CNTNAP2: variants seen among roughly 807,000 people sequenced by gnomAD.
CNTNAP2 encodes contactin associated protein 2.
CNTNAP2 carries 98 observed loss-of-function variants against 155.2 expected under a neutral mutation model. That is an observed-to-expected ratio of 0.63 (90% CI 0.54 to 0.75). CNTNAP2 has a LOEUF of 0.75. CNTNAP2 is among the 30% of genes least tolerant of loss of function. The pLI, the probability that CNTNAP2 is intolerant of heterozygous loss-of-function variation, is 0.00. For missense variants in CNTNAP2, 1,727 were observed against 1,688.1 expected, an observed-to-expected ratio of 1.02 and a Z score of -0.40; for synonymous variants, 651 against 631.2, an observed-to-expected ratio of 1.03 and a Z score of -0.47.
chr7:146,251,256 G>A (rs950843716), intron 1 of CNTNAP2, among the ~76,000 whole-genome samples: 2 of 152,028 alleles, frequency 1.3e-5, no homozygotes, highest in Middle Eastern at 3.4e-3. Context: ...GCTTTTAAAA[G>A]GTTCATTTTT....
intron 3 of CNTNAP2, among the ~76,000 whole-genome samples, chr7:146,856,621 CAA>C (rs1794994833): frequency 6.6e-6 from 1 of 152,040 alleles, no homozygotes; most frequent in African/African-American, 2.4e-5. Context: ...AATATTTACA[CAA>C]GAGAAATTAA....
chr7:146,809,743 A>G (rs772420015), intron 2 of CNTNAP2, among the ~76,000 whole-genome samples: 3 of 152,242 alleles, frequency 2.0e-5, no homozygotes, highest in Admixed American at 6.5e-5. Flanking sequence ...TTCCTTATAT[A>G]TTCTAGACAT....
In CNTNAP2 at chr7:146,284,447, A is replaced by G. The variant is rs184851290; in HGVS notation, c.97+167474A>G. On this transcript the variant is annotated intron_variant, in intron 1 of 23. Transcript: ENST00000361727. ...CCACTATATAAATGCAATAATCAAG[A>G]TTTTGAAAGATTACAACTTGTCCAT... Among the ~76,000 whole-genome samples the G allele has an allele frequency of 5.1e-3, 780 of 152,234 alleles. 8 individuals carry two copies. The highest frequency in any genetic ancestry group is 7.3e-3 in the Non-Finnish European group (494 of 68,006).
At chr7:147,387,097 A>G (rs1357698668) in intron 9 of CNTNAP2, among the ~76,000 whole-genome samples, 1 of 152,052 alleles carries the variant, frequency 6.6e-6, no homozygotes, top group Non-Finnish European at 1.5e-5. Flanking sequence ...ACCCACCCCC[A>G]TGACTCAATT....
intron 8 of CNTNAP2, among the ~76,000 whole-genome samples, chr7:147,293,728 TTTC>T (rs1201031427): frequency 1.3e-5 from 2 of 152,166 alleles, no homozygotes; most frequent in Non-Finnish European, 2.9e-5. Flanking sequence ...GCAACATCTG[TTTC>T]TTCTTGTTCA....
At chr7:147,408,556 C>G (rs1003115568) in intron 10 of CNTNAP2, among the ~76,000 whole-genome samples, 2 of 152,126 alleles carry the variant, frequency 1.3e-5, no homozygotes, top group Non-Finnish European at 2.9e-5. Flanking sequence ...GTCAGGAGAT[C>G]GAGACCATCC....
rs577256899 is a variant in CNTNAP2 at position 147,515,912 on chromosome 7, T to C, written c.1777+29871T>C. Among the ~76,000 whole-genome samples the C allele has an allele frequency of 3.3e-5, 5 of 152,276 alleles. No individual in the cohort carries two copies. In the South Asian group the frequency reaches 1.0e-3, roughly 32 times the overall value. On this transcript the variant is annotated intron_variant, in intron 11 of 23. Transcript: ENST00000361727. ...TTCAGTAGATTTTTCAGTTGGAAAA[T>C]ATTGAGTGCTTACATTAAGATAGTT... is the stretch of plus-strand genomic sequence containing the variant.
intron 1 of CNTNAP2, among the ~76,000 whole-genome samples, chr7:146,302,456 T>C (rs1800627960): frequency 6.6e-6 from 1 of 152,300 alleles, no homozygotes; most frequent in South Asian, 2.1e-4. Context: ...ACACATATAG[T>C]ATCTATTCTA....
intron 3 of CNTNAP2, among the ~76,000 whole-genome samples, chr7:147,027,004 G>GAAAAAAAAAAAAAAAAAAAAAA (rs57810224): frequency 3.0e-5 from 2 of 67,430 alleles, no homozygotes; most frequent in Non-Finnish European, 5.8e-5. Context: ...AAACAGAACA[G>GAAAAAAAAAAAAAAAAAAAAAA]AAAAAAAAAA....
chr7:147,349,514 A>T lies in CNTNAP2; in HGVS notation c.1499-46095A>T, dbSNP rs921102966. 2.6e-5 allele frequency among the ~76,000 whole-genome samples: 4 copies of T among 151,898 alleles called. No homozygotes were observed. The East Asian group carries it at 7.7e-4, about 29-fold the overall frequency. ...ATTTCATTAATTTTATGACACTTGGATTCCATAATAACCTGTCAAGATAGA... is the reference window on the plus strand; with the variant it reads ...ATTTCATTAATTTTATGACACTTGGTTTCCATAATAACCTGTCAAGATAGA... On this transcript the variant is annotated intron_variant, in intron 9 of 23. Transcript: ENST00000361727.
intron 2 of CNTNAP2, among the ~76,000 whole-genome samples, chr7:146,799,934 T>C (rs1802843439): frequency 6.6e-6 from 1 of 151,946 alleles, no homozygotes; most frequent in African/African-American, 2.4e-5. Flanking sequence ...CTATGAAAGA[T>C]TGGTTATGGG....
chr7:146,878,953 T>C (rs1480716744), intron 3 of CNTNAP2, among the ~76,000 whole-genome samples: 1 of 152,200 alleles, frequency 6.6e-6, no homozygotes, highest in Non-Finnish European at 1.5e-5. Flanking sequence ...TATTTGCTCA[T>C]TTGTTTAATG....
chr7:147,738,874 T>G (rs1796905133), intron 13 of CNTNAP2, among the ~76,000 whole-genome samples: 1 of 152,058 alleles, frequency 6.6e-6, no homozygotes. Context: ...AGGCTGGTCT[T>G]GAACTCCTGA....
intron 13 of CNTNAP2, among the ~76,000 whole-genome samples, chr7:147,673,715 C>T (rs2116970337): frequency 6.6e-6 from 1 of 152,212 alleles, no homozygotes; most frequent in East Asian, 1.9e-4. Flanking sequence ...ATGGCCAAGA[C>T]TGGAGATGGG....
At chr7:146,979,979 A>T (rs1369931781) in intron 3 of CNTNAP2, among the ~76,000 whole-genome samples, 2 of 152,192 alleles carry the variant, frequency 1.3e-5, no homozygotes, top group Non-Finnish European at 2.9e-5. Flanking sequence ...GCTAAACTGC[A>T]ATTACTTTTG....
intron 1 of CNTNAP2, among the ~76,000 whole-genome samples, chr7:146,270,766 T>G (rs190786911): frequency 8.8e-4 from 134 of 152,254 alleles, no homozygotes; most frequent in Middle Eastern, 3.4e-3. Flanking sequence ...TCTGACTAAA[T>G]TATAACATTT....
intron 1 of CNTNAP2, among the ~76,000 whole-genome samples, chr7:146,165,888 G>A (rs115333880): frequency 1.3e-5 from 2 of 152,006 alleles, no homozygotes; most frequent in Admixed American, 6.6e-5. Flanking sequence ...TATTTTAATG[G>A]TATATCAACC....
At chr7:146,719,572 G>C (rs1801249815) in intron 1 of CNTNAP2, among the ~76,000 whole-genome samples, 1 of 152,026 alleles carries the variant, frequency 6.6e-6, no homozygotes. Flanking sequence ...GAGAACATTG[G>C]AGTTTTTTCC....
At chr7:147,019,688 G>A (rs1354479687) in intron 3 of CNTNAP2, among the ~76,000 whole-genome samples, 3 of 152,070 alleles carry the variant, frequency 2.0e-5, no homozygotes, top group Non-Finnish European at 4.4e-5. Flanking sequence ...GGTGAATAAA[G>A]ATGGTTAGTC....
Sources: allele counts gnomAD v4.1 joint callset (sites outside exome capture counted in the v4.1 genomes callset), GRCh38; gene constraint gnomAD v4.1.1; transcripts MANE v1.5; gene names NCBI Gene and HGNC (gene_info 2026-07-23, HGNC 2026-07-21).